Variants in GALNTL6 observed in about 807,000 individuals in gnomAD.
The protein encoded by GALNTL6 is polypeptide N-acetylgalactosaminyltransferase like 6, also known as polypeptide N-acetylgalactosaminyltransferase-like 6.
Under a neutral mutation model 73.7 loss-of-function variants are expected in GALNTL6, and 46 were observed. The observed-to-expected ratio is 0.62, with a 90% CI of 0.49 to 0.80. The LOEUF is 0.80. GALNTL6 is among the 30% of genes least tolerant of loss of function. The probability of loss-of-function intolerance (pLI) is 0.00; values close to 1 mark genes in which losing one functional copy is unlikely to be tolerated. For missense variants in GALNTL6, 604 were observed against 755.0 expected (o/e 0.80, Z 2.34); for synonymous variants, 259 against 263.7 (o/e 0.98, Z 0.17).
At chr4:172,844,421 C>T (rs78060121) in intron 7 of GALNTL6, among the ~76,000 whole-genome samples, 309 of 152,310 alleles carry the variant, frequency 2.0e-3, no homozygotes, top group Non-Finnish European at 3.6e-3. Context: ...GCTCAGGCAT[C>T]GACAGCTAGA....
intron 4 of GALNTL6, among the ~76,000 whole-genome samples, chr4:172,333,643 GTTAA>G (rs1428832527): frequency 2.6e-5 from 4 of 151,824 alleles, no homozygotes; most frequent in East Asian, 1.9e-4. Context: ...CTCTTTTTCT[GTTAA>G]TTGTTTTCAT....
intron 2 of GALNTL6, among the ~76,000 whole-genome samples, chr4:171,889,146 A>G (rs1187375129): frequency 6.6e-6 from 1 of 152,066 alleles, no homozygotes; most frequent in Non-Finnish European, 1.5e-5. Flanking sequence ...GCAACCCAAG[A>G]AACATCATAA....
At chr4:172,706,516 A>G (rs1490187237) in intron 5 of GALNTL6, among the ~76,000 whole-genome samples, 1 of 151,700 alleles carries the variant, frequency 6.6e-6, no homozygotes, top group Non-Finnish European at 1.5e-5. Context: ...TTTTCTGTGG[A>G]CTTATGTCTA....
chr4:172,431,408 T>G (rs1731445587), intron 5 of GALNTL6, among the ~76,000 whole-genome samples: 1 of 152,160 alleles, frequency 6.6e-6, no homozygotes, highest in African/African-American at 2.4e-5. Context: ...GACATTGTAT[T>G]TAATAATTAT....
chr4:172,129,708 C>T (rs1560934687), intron 2 of GALNTL6, among the ~76,000 whole-genome samples: 2 of 152,128 alleles, frequency 1.3e-5, no homozygotes, highest in African/African-American at 4.8e-5. Context: ...ACATGCCTCA[C>T]AGAGAGAATG....
chr4:172,907,048 G>A (rs1746935084), intron 8 of GALNTL6, among the ~76,000 whole-genome samples: 1 of 151,812 alleles, frequency 6.6e-6, no homozygotes, highest in Non-Finnish European at 1.5e-5. Context: ...TAGTCCAGCG[G>A]GAATTTTGGG....
At chr4:172,169,118 A>T (rs1231321098) in intron 2 of GALNTL6, among the ~76,000 whole-genome samples, 1 of 152,208 alleles carries the variant, frequency 6.6e-6, no homozygotes, top group African/African-American at 2.4e-5. Flanking sequence ...GGATAAGTAA[A>T]TGGGAAGAAG....
chr4:173,010,603 T>C (rs1266514264), intron 11 of GALNTL6, among the ~76,000 whole-genome samples: 1 of 152,026 alleles, frequency 6.6e-6, no homozygotes, highest in African/African-American at 2.4e-5. Flanking sequence ...TGTTTTGTTT[T>C]GTTTTGTTTT....
chr4:172,907,602 GA>G (rs1186259307), intron 8 of GALNTL6, among the ~76,000 whole-genome samples: 1 of 152,168 alleles, frequency 6.6e-6, no homozygotes, highest in African/African-American at 2.4e-5. Context: ...TACATTCCAA[GA>G]CCCCAAATGG....
In GALNTL6 at chr4:172,311,702, C is replaced by G; in HGVS notation, c.336C>G (p.Val112=). The G allele has an allele frequency of 6.2e-7, 1 of 1,610,444 alleles. No individual in the cohort carries two copies. The highest frequency in any genetic ancestry group is 8.5e-7 in the Non-Finnish European group (1 of 1,177,482). The part of the protein sequence containing the change: ...AYRENGFNIF[V]SNNIALERSL... ...GGGAAAATGGTTTTAATATTTTCGT[C>G]AGCAACAATATTGCTCTAGAGAGGT... is the stretch of plus-strand genomic sequence containing the variant. The change falls in exon 4 of 13, where the codon GTC becomes GTG. Residue 112 remains valine, a synonymous_variant. Transcript: ENST00000506823.
At chr4:172,748,698 A>C (rs1443801068) in intron 5 of GALNTL6, among the ~76,000 whole-genome samples, 2 of 152,154 alleles carry the variant, frequency 1.3e-5, no homozygotes, top group Admixed American at 1.3e-4. Flanking sequence ...GACCTATCGC[A>C]CAGCAGGAGG....
chr4:171,952,307 A>G (rs1738908655), intron 2 of GALNTL6, among the ~76,000 whole-genome samples: 1 of 152,054 alleles, frequency 6.6e-6, no homozygotes, highest in South Asian at 2.1e-4. Flanking sequence ...GGAATTGTGA[A>G]TCCAAAATTT....
chr4:172,506,886 G>A lies in GALNTL6; in HGVS notation c.553+158197G>A, dbSNP rs564243262. Among the ~76,000 whole-genome samples the A allele has an allele frequency of 3.4e-4, 19 of 55,240 alleles. 7 individuals are homozygous for A. The highest frequency in any genetic ancestry group is 6.8e-4 in the African/African-American group (15 of 22,108). The allele number at this position is 55,240 out of a possible 152,430, so 36.2% of individuals were successfully genotyped here. A position where few individuals can be genotyped will look rare whatever the true frequency, so the allele number is the denominator to read the frequency against. On this transcript the variant is annotated intron_variant, in intron 5 of 12. Coordinates refer to ENST00000506823, the MANE Select transcript of GALNTL6 (RefSeq NM_001034845.3). ...AAGGCCCTTGGCTTCCTGAAGTTTC[G>A]CTGAAAAATTAACTCACAAAAGGCG...
At chr4:172,099,695 T>G (rs984909607) in intron 2 of GALNTL6, among the ~76,000 whole-genome samples, 18 of 152,270 alleles carry the variant, frequency 1.2e-4, no homozygotes, top group African/African-American at 4.3e-4. Flanking sequence ...CTTCAAATCA[T>G]TTTTGAAAGA....
At chr4:171,898,670 C>T (rs1736995214) in intron 2 of GALNTL6, among the ~76,000 whole-genome samples, 1 of 151,976 alleles carries the variant, frequency 6.6e-6, no homozygotes. Flanking sequence ...AGAAACAAAC[C>T]TATCAGTTGC....
chr4:172,781,094 T>A lies in GALNTL6; in HGVS notation c.554-28267T>A, dbSNP rs185211540. ...TGTGATTGGTAGGCAGTTCAGCAGA[T>A]GAAACAAGAAAGGCTAAACCAAAAG... On this transcript the variant is annotated intron_variant, in intron 5 of 12. Transcript: ENST00000506823. 4.6e-5 allele frequency among the ~76,000 whole-genome samples: 7 copies of A among 152,252 alleles called. 1 individual carries two copies. The highest frequency in any genetic ancestry group is 1.7e-4 in the African/African-American group (7 of 41,542).
chr4:172,916,999 A>C (rs1031290306), intron 8 of GALNTL6, among the ~76,000 whole-genome samples: 4 of 152,216 alleles, frequency 2.6e-5, no homozygotes, highest in African/African-American at 9.7e-5. Context: ...TTCAAACTAT[A>C]CTACAAGGCT....
At chr4:172,051,336 TTAAG>T (rs1730856778) in intron 2 of GALNTL6, among the ~76,000 whole-genome samples, 1 of 152,158 alleles carries the variant, frequency 6.6e-6, no homozygotes, top group African/African-American at 2.4e-5. Context: ...CACAGATGGC[TTAAG>T]TGTTAACCAG....
rs2111112569 is a variant in GALNTL6 at position 172,852,400 on chromosome 4, AT to A, written c.924-30389del. Among the ~76,000 whole-genome samples the A allele has an allele frequency of 2.0e-5, 3 of 152,284 alleles. No homozygotes were observed. In the East Asian group the frequency reaches 5.8e-4, roughly 29 times the overall value. On this transcript the variant is annotated intron_variant, in intron 7 of 12. Transcript: ENST00000506823. ...AAAATTAGCAGGCCAAGACTTGGAA[AT>A]ACATTACCTCTGCCCACATCCCGTT...
Sources: allele counts gnomAD v4.1 joint callset (sites outside exome capture counted in the v4.1 genomes callset), GRCh38; gene constraint gnomAD v4.1.1; transcripts MANE v1.5; gene names NCBI Gene and HGNC (gene_info 2026-07-23, HGNC 2026-07-21).